Variants in MVB12B observed in about 807,000 individuals in gnomAD.
The protein encoded by MVB12B is ESCRT-I complex subunit MVB12B.
Under a neutral mutation model 41.6 loss-of-function variants are expected in MVB12B, and 16 were observed. That is an observed-to-expected ratio of 0.38 (90% CI 0.26 to 0.58). The LOEUF (loss-of-function observed/expected upper bound fraction) is 0.58, where lower values mean the gene tolerates loss of function less well. Among genes scored for constraint, MVB12B ranks in the 20% least tolerant of loss-of-function variants. MVB12B has a pLI of 0.62. For synonymous variants in MVB12B, 133 were observed against 139.7 expected, an observed-to-expected ratio of 0.95 and a Z score of 0.34; for missense variants, 274 against 380.2, an observed-to-expected ratio of 0.72 and a Z score of 2.32.
intron 7 of MVB12B, among the ~76,000 whole-genome samples, chr9:126,470,734 G>A (rs1833297691): frequency 6.6e-6 from 1 of 151,372 alleles, no homozygotes; most frequent in Admixed American, 6.6e-5. Context: ...GTGGTGTGAG[G>A]GCACCCTGGT....
At chr9:126,419,308 A>G (rs1315964815) in intron 6 of MVB12B, among the ~76,000 whole-genome samples, 1 of 152,204 alleles carries the variant, frequency 6.6e-6, no homozygotes, top group Non-Finnish European at 1.5e-5. Flanking sequence ...GAGTGCAGTT[A>G]TAGCACCTAC....
intron 2 of MVB12B, among the ~76,000 whole-genome samples, chr9:126,362,795 T>C (rs1192167424): frequency 6.6e-6 from 1 of 152,260 alleles, no homozygotes; most frequent in Non-Finnish European, 1.5e-5. Flanking sequence ...AGGTCAGTTT[T>C]ACAATTGACC....
At position 126,480,269 on chromosome 9, in the gene MVB12B, C is replaced by G. The variant is rs928051318; in HGVS notation, c.758-1100C>G. 3.5e-4 allele frequency among the ~76,000 whole-genome samples: 54 copies of G among 152,178 alleles called. 1 individual carries two copies. Among genetic ancestry groups the G allele is most frequent in the Admixed American group, 3.3e-3 (50 of 15,290 alleles). On this transcript the variant is annotated intron_variant, in intron 7 of 9. Coordinates refer to ENST00000361171, the MANE Select transcript of MVB12B (RefSeq NM_033446.3). This position sits in a 1 kb window ranked among gnomAD's most constrained non-coding sequence, Gnocchi z 4.9. ...CTGCGGCTGCATGTTCCCGACTCTTCCCAGACCTAAGGGAGAAGCCAACAC... is the reference window on the plus strand; with the variant it reads ...CTGCGGCTGCATGTTCCCGACTCTTGCCAGACCTAAGGGAGAAGCCAACAC...
intron 7 of MVB12B, chr9:126,426,814 G>A (rs911235322): frequency 6.6e-6 from 1 of 152,236 alleles, no homozygotes; most frequent in Non-Finnish European, 1.5e-5. Context: ...AGAGAAACAA[G>A]CTAGTTGCTT....
chr9:126,435,361 C>T (rs1332377494), intron 7 of MVB12B, among the ~76,000 whole-genome samples: 3 of 152,160 alleles, frequency 2.0e-5, no homozygotes, highest in African/African-American at 4.8e-5. Flanking sequence ...TGGCATGGCT[C>T]AGGGAAACTT....
intron 6 of MVB12B, among the ~76,000 whole-genome samples, chr9:126,410,038 G>T (rs184836603): frequency 6.6e-6 from 1 of 152,108 alleles, no homozygotes; most frequent in Non-Finnish European, 1.5e-5. Flanking sequence ...CAAGCTGCAC[G>T]TACTTTATGC....
In MVB12B at chr9:126,395,794, A is replaced by C; in HGVS notation, c.662+97A>C. Reference sequence around the variant, plus strand: ...CACTTAGTGTCTGCTGAAATACTGCAAAGTACAGCTGAATAATTGTAGAAG... The same window carrying C: ...CACTTAGTGTCTGCTGAAATACTGCCAAGTACAGCTGAATAATTGTAGAAG... On this transcript the variant is annotated intron_variant, in intron 6 of 9. Transcript: ENST00000361171. The surrounding 1 kb of genome is among the most constrained non-coding windows in gnomAD (Gnocchi z 4.9). 6.5e-7 allele frequency: 1 copy of C among 1,545,362 alleles called. No individual in the cohort carries two copies. Among genetic ancestry groups the C allele is most frequent in the Non-Finnish European group, 8.7e-7 (1 of 1,148,546 alleles).
chr9:126,371,662 C>A (rs554444647), intron 2 of MVB12B, among the ~76,000 whole-genome samples: 2 of 152,182 alleles, frequency 1.3e-5, no homozygotes, highest in African/African-American at 4.8e-5. Context: ...ACCATGCATT[C>A]TTTTCATGGT....
chr9:126,437,606 A>G (rs1588172255), intron 7 of MVB12B, among the ~76,000 whole-genome samples: 1 of 152,248 alleles, frequency 6.6e-6, no homozygotes, highest in African/African-American at 2.4e-5. Context: ...GGGATTTTAA[A>G]TGCTGGATGT....
intron 9 of MVB12B, among the ~76,000 whole-genome samples, chr9:126,495,505 G>A (rs76125200): frequency 0.016 from 2,403 of 152,228 alleles, 27 homozygotes; most frequent in Middle Eastern, 0.027. Context: ...TACGAGAAAC[G>A]TTTTGCTTTC....
At chr9:126,380,913 C>G (rs1830617984) in intron 2 of MVB12B, 151 bp from the exon 3 acceptor site, 2 of 562,186 alleles carry the variant, frequency 3.6e-6, no homozygotes, top group Non-Finnish European at 6.3e-6. Flanking sequence ...TTTGGAAAAT[C>G]TCATCCCAGT....
chr9:126,364,293 G>A (rs1287760501), intron 2 of MVB12B, among the ~76,000 whole-genome samples: 1 of 152,202 alleles, frequency 6.6e-6, no homozygotes, highest in Non-Finnish European at 1.5e-5. Flanking sequence ...CATCGGGCAT[G>A]ACTCATGAAC....
intron 7 of MVB12B, among the ~76,000 whole-genome samples, chr9:126,476,377 G>C (rs10819165): frequency 0.88 from 133,983 of 152,142 alleles, 59,191 homozygotes; most frequent in East Asian, 1. Context: ...GCAGATGTGA[G>C]GAGGGCCTGC....
Position 126,391,153 on chromosome 9 carries a change from C to T in MVB12B, c.410-913C>T, listed in dbSNP as rs1830939217. Reference sequence around the variant, plus strand: ...AGAATGGCCCAGCCAGACTCTGGGCCTCACTATATGACAGCCTAGACTTAC... The same window carrying T: ...AGAATGGCCCAGCCAGACTCTGGGCTTCACTATATGACAGCCTAGACTTAC... On this transcript the variant is annotated intron_variant, in intron 4 of 9. Coordinates refer to ENST00000361171, the MANE Select transcript of MVB12B (RefSeq NM_033446.3). This position sits in a 1 kb window ranked among gnomAD's most constrained non-coding sequence, Gnocchi z 4.4. Among the ~76,000 whole-genome samples the T allele has an allele frequency of 6.6e-6, 1 of 152,114 alleles. No individual in the cohort carries two copies. The highest frequency in any genetic ancestry group is 1.5e-5 in the Non-Finnish European group (1 of 68,020).
chr9:126,448,839 A>C (rs1216156119), intron 7 of MVB12B, among the ~76,000 whole-genome samples: 1 of 152,222 alleles, frequency 6.6e-6, no homozygotes, highest in African/African-American at 2.4e-5. Context: ...CCCCGCCTCC[A>C]ACATTGGGAA....
At chr9:126,498,539 C>G (rs1009998855) in intron 9 of MVB12B, among the ~76,000 whole-genome samples, 1 of 152,252 alleles carries the variant, frequency 6.6e-6, no homozygotes, top group East Asian at 1.9e-4. Context: ...GTCTGTCGGT[C>G]TGGCCCCCAT....
intron 2 of MVB12B, among the ~76,000 whole-genome samples, chr9:126,352,718 T>C (rs961916022): frequency 3.9e-5 from 6 of 152,216 alleles, no homozygotes; most frequent in African/African-American, 1.4e-4. Context: ...TTGTACTTAC[T>C]GGGAAGATTA....
At chr9:126,363,117 G>A (rs1827337857) in intron 2 of MVB12B, among the ~76,000 whole-genome samples, 2 of 152,010 alleles carry the variant, frequency 1.3e-5, no homozygotes, top group South Asian at 4.2e-4. Context: ...AACCTGGGAG[G>A]TGGAGGTTGC....
At chr9:126,477,302 C>T (rs1034451613) in intron 7 of MVB12B, among the ~76,000 whole-genome samples, 2 of 152,350 alleles carry the variant, frequency 1.3e-5, no homozygotes, top group Admixed American at 6.5e-5. Flanking sequence ...AGGTCTCGAT[C>T]TCCAACATTG....
Sources: allele counts gnomAD v4.1 joint callset (sites outside exome capture counted in the v4.1 genomes callset), GRCh38; gene constraint gnomAD v4.1.1; non-coding constraint Gnocchi (gnomAD v3.1); transcripts MANE v1.5; gene names NCBI Gene and HGNC (gene_info 2026-07-23, HGNC 2026-07-21).